Variants in POSTN observed in about 807,000 individuals in gnomAD.
POSTN encodes osteoblast specific factor 2 (fasciclin I-like).
POSTN carries 71 observed loss-of-function variants against 104.5 expected under a neutral mutation model. The observed-to-expected ratio is 0.68, with a 90% confidence interval of 0.56 to 0.83. The LOEUF is 0.83. Ranked by LOEUF, POSTN falls within the 40% of genes least tolerant of loss-of-function variation. POSTN has a pLI of 0.00. For missense variants in POSTN, 949 were observed against 1,006.8 expected, an observed-to-expected ratio of 0.94 and a Z score of 0.78; for synonymous variants, 355 against 340.7, an observed-to-expected ratio of 1.04 and a Z score of -0.46.
At chr13:37,577,082 G>A (rs1950430837) in intron 16 of POSTN, among the ~76,000 whole-genome samples, 1 of 151,950 alleles carries the variant, frequency 6.6e-6, no homozygotes, top group Non-Finnish European at 1.5e-5. Context: ...AAGAAAGAGA[G>A]AAAAGATAAA....
chr13:37,574,577 G>C lies in POSTN; in HGVS notation c.2084C>G (p.Thr695Ser). The change falls in exon 17 of 23, where the codon ACT becomes AGT. Residue 695 changes from threonine to serine, a missense_variant. Thr to Ser is a moderately conservative substitution (Grantham distance 58). Transcript: ENST00000379747. ...TGTATAACATTGATTTTTACCTTCA[G>C]TTTTGATAATAGGCTGAAGACTGCC... ...IEGSLQPIIK[T>S]EGPTLTKVKI... 6.3e-7 allele frequency: 1 copy of C among 1,590,272 alleles called. No homozygotes were observed. The highest frequency in any genetic ancestry group is 8.5e-7 in the Non-Finnish European group (1 of 1,172,656).
Position 37,582,458 on chromosome 13 carries a change from A to G in POSTN, c.1300T>C (p.Leu434=), listed in dbSNP as rs754513240. 3.7e-6 allele frequency: 6 copies of G among 1,613,512 alleles called. No homozygotes were observed. In the African/African-American group the frequency reaches 4.0e-5, roughly 11 times the overall value. The change falls in exon 10 of 23, where the codon TTG becomes CTG. Residue 434 remains leucine (L), a synonymous_variant. Coordinates refer to ENST00000379747, the MANE Select transcript of POSTN (RefSeq NM_006475.3). ...LLKLILQNHI[L]KVKVGLNELY... ...TCATTAAGGCCAACTTTTACTTTCA[A>G]TATGTGATTCTGCAGAATTAATTTA...
chr13:37,597,135 T>A (rs1427384224), intron 2 of POSTN, 49 bp downstream of exon 2: 2 of 1,268,464 alleles, frequency 1.6e-6, no homozygotes, highest in African/African-American at 3.1e-5. Flanking sequence ...ATATACATCA[T>A]GATGTTGTTT....
At chr13:37,592,914 T>G (rs1490560961) in intron 2 of POSTN, among the ~76,000 whole-genome samples, 2 of 152,156 alleles carry the variant, frequency 1.3e-5, no homozygotes, top group African/African-American at 4.8e-5. Context: ...AGAAAATACA[T>G]TGACCCATTG....
Position 37,597,231 on chromosome 13 carries a change from G to A in POSTN, c.171C>T (p.Phe57=). 8.8e-6 allele frequency: 14 copies of A among 1,587,184 alleles called. No individual in the cohort carries two copies. The highest frequency in any genetic ancestry group is 2.3e-5 in the East Asian group (1 of 43,322). ...QQILGTKKKY[F]STCKNWYKKS... ...TTTTATACCAGTTCTTACAAGTGCT[G>A]AAGTATTTCTTTTTGGTGCCCAAAA... is the stretch of plus-strand genomic sequence containing the variant. Residue 57 remains phenylalanine (F), a synonymous_variant, in exon 2 of 23, where the codon TTC becomes TTT. Coordinates refer to ENST00000379747, the MANE Select transcript of POSTN (RefSeq NM_006475.3).
intron 21 of POSTN, among the ~76,000 whole-genome samples, chr13:37,567,580 G>T (rs1298578936): frequency 6.6e-6 from 1 of 152,080 alleles, no homozygotes; most frequent in Non-Finnish European, 1.5e-5. Flanking sequence ...AAACCTTGGA[G>T]AAATGATTTG....
intron 2 of POSTN, among the ~76,000 whole-genome samples, chr13:37,593,161 G>A (rs1006369610): frequency 6.6e-6 from 1 of 150,504 alleles, no homozygotes; most frequent in Admixed American, 6.6e-5. Flanking sequence ...CAATAATTAA[G>A]GTAACAGACC....
chr13:37,576,671 G>A (rs1001428707), intron 16 of POSTN, among the ~76,000 whole-genome samples: 6 of 152,056 alleles, frequency 3.9e-5, no homozygotes, highest in Admixed American at 6.6e-5. Context: ...CTGATGAATA[G>A]AGCCCATAAG....
rs751429947 is a variant in POSTN, at chr13:37,563,359, G to A, written c.2485C>T (p.Arg829Ter). 4.2e-5 allele frequency: 67 copies of A among 1,584,080 alleles called. No individual in the cohort carries two copies. The highest frequency in any genetic ancestry group is 2.2e-4 in the East Asian group (10 of 44,526). Reference sequence around the variant, plus strand: ...CACTGAGAACGACCTTCCCTTAATCGTCTTCTAGATCCTAATTAGAAAGAA... The same window carrying A: ...CACTGAGAACGACCTTCCCTTAATCATCTTCTAGATCCTAATTAGAAAGAA... Reference protein sequence around the residue: ...ANKKVQGSRRRLREGRSQ With the variant: ...ANKKVQGSRR Residue 829 changes from arginine to a stop codon, truncating the protein, a stop_gained, in exon 23 of 23, where the codon CGA becomes TGA. Transcript: ENST00000379747. LOFTEE classifies it high-confidence loss of function.
chr13:37,590,148 T>G (rs1010317099), intron 4 of POSTN, among the ~76,000 whole-genome samples: 5 of 152,094 alleles, frequency 3.3e-5, no homozygotes, highest in Admixed American at 6.6e-5. Context: ...GATTCTTGAT[T>G]CCCCTTCTTA....
intron 1 of POSTN, 38 bp from the exon 2 acceptor site, chr13:37,597,320 A>G (rs769530295): frequency 1.5e-6 from 2 of 1,344,938 alleles, no homozygotes; most frequent in South Asian, 1.3e-5. Context: ...TTAATGTCCT[A>G]ATAATGACTA....
intron 22 of POSTN, among the ~76,000 whole-genome samples, chr13:37,563,586 C>T (rs1387677453): frequency 2.0e-5 from 3 of 151,946 alleles, no homozygotes; most frequent in Non-Finnish European, 2.9e-5. Context: ...AATTTTAACT[C>T]TTTAGAAAAT....
At chr13:37,590,080 CACAA>C in intron 4 of POSTN, among the ~76,000 whole-genome samples, 1 of 152,060 alleles carries the variant, frequency 6.6e-6, no homozygotes, top group South Asian at 2.1e-4. Flanking sequence ...TACATATCCT[CACAA>C]ACAAACAGGA....
chr13:37,577,308 C>G (rs1380965757), intron 16 of POSTN, among the ~76,000 whole-genome samples: 4 of 152,072 alleles, frequency 2.6e-5, no homozygotes, highest in African/African-American at 9.7e-5. Flanking sequence ...GAACTGCCAC[C>G]TTATAAACAT....
At position 37,582,418 on chromosome 13, in the gene POSTN, T is replaced by A. The variant is rs1474745949; in HGVS notation, c.1340A>T (p.Gln447Leu). 6.2e-7 allele frequency: 1 copy of A among 1,613,884 alleles called. No individual in the cohort carries two copies. The highest frequency in any genetic ancestry group is 2.2e-5 in the East Asian group (1 of 44,864). Reference sequence around the variant, plus strand: ...TTTGCCTCCGATGGTTTCCAGTATTTGCCCGTTGTAAAGCTCATTAAGGCC... The same window carrying A: ...TTTGCCTCCGATGGTTTCCAGTATTAGCCCGTTGTAAAGCTCATTAAGGCC... ...KVGLNELYNG[Q>L]ILETIGGKQL... The change falls in exon 10 of 23, where the codon CAA becomes CTA. Residue 447 changes from glutamine to leucine, a missense_variant. Gln to Leu is a moderately radical substitution (Grantham distance 113). Coordinates refer to ENST00000379747, the MANE Select transcript of POSTN (RefSeq NM_006475.3).
At chr13:37,596,957 G>A (rs931497904) in intron 2 of POSTN, among the ~76,000 whole-genome samples, 2 of 151,576 alleles carry the variant, frequency 1.3e-5, no homozygotes, top group Non-Finnish European at 2.9e-5. Flanking sequence ...CTTCCTTCTG[G>A]CCTCCATGTC....
intron 20 of POSTN, 77 bp downstream of exon 20, chr13:37,569,667 C>T: frequency 9.1e-7 from 1 of 1,101,724 alleles, no homozygotes; most frequent in Non-Finnish European, 1.4e-6. Flanking sequence ...GAGTAGAAAA[C>T]ATGTAGAATG....
rs767700088 is a variant in POSTN at position 37,569,768 on chromosome 13, T to C, written c.2323A>G (p.Thr775Ala). Residue 775 changes from threonine (T) to alanine (A), a missense_variant, in exon 20 of 23, where the codon ACT becomes GCT. Coordinates refer to ENST00000379747, the MANE Select transcript of POSTN (RefSeq NM_006475.3). ...ISTGGGETEE[T>A]LKKLLQEEVT... Reference sequence around the variant, plus strand: ...CCTTCTTGTAACAATTTCTTCAGAGTTTCTTCTGTTTCTCCACCTCCAGTA... The same window carrying C: ...CCTTCTTGTAACAATTTCTTCAGAGCTTCTTCTGTTTCTCCACCTCCAGTA... The C allele has an allele frequency of 6.2e-7, 1 of 1,602,790 alleles. No individual in the cohort carries two copies. The highest frequency in any genetic ancestry group is 1.1e-5 in the South Asian group (1 of 90,836).
intron 9 of POSTN, among the ~76,000 whole-genome samples, chr13:37,583,569 A>G (rs2138300454): frequency 6.7e-6 from 1 of 149,602 alleles, no homozygotes; most frequent in South Asian, 2.1e-4. Context: ...GGATTACAGG[A>G]GTGCACCACC....
Sources: allele counts gnomAD v4.1 joint callset (sites outside exome capture counted in the v4.1 genomes callset), GRCh38; gene constraint gnomAD v4.1.1; transcripts MANE v1.5; gene names NCBI Gene and HGNC (gene_info 2026-07-23, HGNC 2026-07-21).